The following TET1 variants were observed in gnomAD, a reference collection of about 807,000 sequenced individuals.
TET1 encodes tet methylcytosine dioxygenase 1, also known as methylcytosine dioxygenase TET1.
TET1 carries 13 observed loss-of-function variants against 148.7 expected under a neutral mutation model. The ratio of observed to expected loss-of-function variants is 0.09; its 90% CI spans 0.06 to 0.14. TET1 has a LOEUF of 0.14. TET1 is among the 10% of genes least tolerant of loss of function. The probability of loss-of-function intolerance (pLI) is 1.00; values close to 1 mark genes in which losing one functional copy is unlikely to be tolerated. For missense variants in TET1, 2,182 were observed against 2,553.8 expected, an observed-to-expected ratio of 0.85 and a Z score of 3.14; for synonymous variants, 907 against 937.2, an observed-to-expected ratio of 0.97 and a Z score of 0.59.
intron 4 of TET1, among the ~76,000 whole-genome samples, chr10:68,651,408 G>A (rs1189612064): frequency 6.6e-6 from 1 of 151,788 alleles, no homozygotes; most frequent in African/African-American, 2.4e-5. Context: ...CCGAGATCGC[G>A]CCACTGCACT....
chr10:68,648,653 A>C (rs2054886681), intron 4 of TET1, among the ~76,000 whole-genome samples: 1 of 152,248 alleles, frequency 6.6e-6, no homozygotes, highest in South Asian at 2.1e-4. Flanking sequence ...ATTTTTTAAC[A>C]ACAGTAGAAA....
intron 2 of TET1, among the ~76,000 whole-genome samples, chr10:68,595,597 A>T (rs1370670276): frequency 7.3e-6 from 1 of 137,702 alleles, no homozygotes; most frequent in East Asian, 2.3e-4. Context: ...CACAACACAC[A>T]CACACACACA....
At chr10:68,593,009 G>A (rs2053935678) in intron 2 of TET1, among the ~76,000 whole-genome samples, 1 of 152,048 alleles carries the variant, frequency 6.6e-6, no homozygotes, top group South Asian at 2.1e-4. Context: ...GCCAAGGCAG[G>A]TGGATCACGA....
intron 2 of TET1, among the ~76,000 whole-genome samples, chr10:68,590,946 C>G (rs1367081116): frequency 2.0e-5 from 3 of 152,018 alleles, no homozygotes; most frequent in African/African-American, 7.3e-5. Flanking sequence ...ACCTCCACCT[C>G]CCAGGTTCAA....
chr10:68,589,921 C>G (rs1466011524), intron 2 of TET1, among the ~76,000 whole-genome samples: 2 of 152,062 alleles, frequency 1.3e-5, no homozygotes, highest in East Asian at 3.9e-4. Flanking sequence ...TTCTGCCTGC[C>G]TTGGCTTTCC....
intron 3 of TET1, among the ~76,000 whole-genome samples, chr10:68,640,544 C>CTTTT (rs60460824): frequency 0.42 from 18,022 of 42,636 alleles, 6,047 homozygotes; most frequent in East Asian, 0.52. Context: ...TTCTTTCTTT[C>CTTTT]TTTTTTTTTT....
intron 11 of TET1, 132 bp downstream of exon 11, chr10:68,686,839 G>T: frequency 1.2e-6 from 1 of 819,014 alleles, no homozygotes; most frequent in South Asian, 2.3e-5. Flanking sequence ...AGAACCAAAA[G>T]TCAACAAAAA....
chr10:68,595,612 CTTTT>C (rs71470530), intron 2 of TET1, among the ~76,000 whole-genome samples: 10 of 76,508 alleles, frequency 1.3e-4, no homozygotes, highest in South Asian at 1.1e-3. Flanking sequence ...CACACAGCTT[CTTTT>C]TTTTTTTTTT....
intron 3 of TET1, among the ~76,000 whole-genome samples, chr10:68,602,509 G>A (rs934114925): frequency 6.6e-6 from 1 of 152,206 alleles, no homozygotes; most frequent in Non-Finnish European, 1.5e-5. Flanking sequence ...TACAGACCAA[G>A]CCTAGTATCT....
chr10:68,590,084 A>G (rs2053902171), intron 2 of TET1, among the ~76,000 whole-genome samples: 1 of 152,124 alleles, frequency 6.6e-6, no homozygotes, highest in African/African-American at 2.4e-5. Context: ...GTACGGACTG[A>G]GAGTCAAGTG....
intron 6 of TET1, among the ~76,000 whole-genome samples, chr10:68,661,323 C>G (rs2055111149): frequency 6.7e-6 from 1 of 149,732 alleles, no homozygotes; most frequent in African/African-American, 2.5e-5. Context: ...GCTAGGATTA[C>G]AGGCATGAGC....
chr10:68,594,561 T>A (rs1474931733), intron 2 of TET1, among the ~76,000 whole-genome samples: 1 of 152,146 alleles, frequency 6.6e-6, no homozygotes, highest in Non-Finnish European at 1.5e-5. Context: ...GGAAAGGCTC[T>A]TCTAGTGGAC....
At chr10:68,566,898 C>T (rs932382934) in intron 1 of TET1, among the ~76,000 whole-genome samples, 1 of 150,620 alleles carries the variant, frequency 6.6e-6, no homozygotes. Flanking sequence ...ACCTATCATG[C>T]GCCAGCCCTG....
At position 68,693,447 on chromosome 10, in the gene TET1, G is replaced by T. The variant is rs1564515023; in HGVS notation, c.*1633G>T. Reference sequence around the variant, plus strand: ...AAACAGTTCCAGCAGGCTCTCTAAAGAAAAACTCATTGTAACTTATTAAAA... The same window carrying T: ...AAACAGTTCCAGCAGGCTCTCTAAATAAAAACTCATTGTAACTTATTAAAA... On this transcript the variant is annotated 3_prime_UTR_variant, in exon 12 of 12. Transcript: ENST00000373644. 1 of 233,172 alleles carries T rather than the reference G, an allele frequency of 4.3e-6. No homozygotes were observed. Among genetic ancestry groups the T allele is most frequent in the South Asian group, 1.8e-4 (1 of 5,530 alleles). The allele number at this position is 233,172 out of a possible 1,614,324, so 14.4% of individuals were successfully genotyped here.
At chr10:68,565,464 T>TAAAAAAA (rs199760806) in intron 1 of TET1, among the ~76,000 whole-genome samples, 143 of 107,954 alleles carry the variant, frequency 1.3e-3, no homozygotes, top group Non-Finnish European at 2.3e-3. Flanking sequence ...AGACCCTGTT[T>TAAAAAAA]AAAAAAAAAA....
intron 2 of TET1, among the ~76,000 whole-genome samples, chr10:68,592,270 C>T (rs189772203): frequency 8.6e-5 from 13 of 151,382 alleles, no homozygotes; most frequent in African/African-American, 2.7e-4. Context: ...GAGCCGAGAT[C>T]GTGCCACTGC....
chr10:68,566,481 C>G (rs1337065545), intron 1 of TET1, among the ~76,000 whole-genome samples: 1 of 148,230 alleles, frequency 6.7e-6, no homozygotes, highest in East Asian at 2.0e-4. Context: ...TTACTGCAAG[C>G]CAAAACTTTT....
chr10:68,573,188 G>A lies in TET1; in HGVS notation c.850G>A (p.Asp284Asn), dbSNP rs2053690652. ...ACGAGTAGAATCTCTTAAGTTATCTGATTCTTACCTGGATCCCATTAAAAG... is the reference window on the plus strand; with the variant it reads ...ACGAGTAGAATCTCTTAAGTTATCTAATTCTTACCTGGATCCCATTAAAAG... ...GSRVESLKLS[D>N]SYLDPIKSEH... Residue 284 changes from aspartate to asparagine, a missense_variant, in exon 2 of 12, where the codon GAT becomes AAT. This residue lies in a region of TET1 where 665 missense variants were observed against 672.4 expected (regional missense o/e 0.99). Coordinates refer to ENST00000373644, the MANE Select transcript of TET1 (RefSeq NM_030625.3). The A allele has an allele frequency of 6.2e-7, 1 of 1,613,934 alleles. No individual in the cohort carries two copies. Among genetic ancestry groups the A allele is most frequent in the Admixed American group, 1.7e-5 (1 of 59,984 alleles).
chr10:68,686,702 C>G lies in TET1; in HGVS notation c.5399C>G (p.Thr1800Ser). 6.2e-7 allele frequency: 1 copy of G among 1,611,478 alleles called. No homozygotes were observed. Among genetic ancestry groups the G allele is most frequent in the Non-Finnish European group, 8.5e-7 (1 of 1,178,460 alleles). The change falls in exon 11 of 12, where the codon ACC (threonine) becomes AGC (serine). Residue 1800 changes from threonine to serine, a missense_variant. Coordinates refer to ENST00000373644, the MANE Select transcript of TET1 (RefSeq NM_030625.3). The part of the protein sequence containing the change: ...TNNSKPSSLP[T>S]LGSNTETVQP... ...AACAGTAAGCCTTCGTCACTGCCAA[C>G]CTTAGGTGAGCCCTATGGAACCTGG...
Sources: allele counts gnomAD v4.1 joint callset (sites outside exome capture counted in the v4.1 genomes callset), GRCh38; gene constraint gnomAD v4.1.1; regional missense constraint gnomAD v4.1.1; transcripts MANE v1.5; gene names NCBI Gene and HGNC (gene_info 2026-07-23, HGNC 2026-07-21).